The following ZFR variants were observed in gnomAD, a reference collection of about 807,000 sequenced individuals.
ZFR encodes zinc finger RNA-binding protein.
ZFR carries 19 observed loss-of-function variants against 130.7 expected under a neutral mutation model. The ratio of observed to expected loss-of-function variants is 0.15; its 90% CI spans 0.10 to 0.21. ZFR has a LOEUF of 0.21. Among genes scored for constraint, ZFR ranks in the 10% least tolerant of loss-of-function variants. The pLI is 1.00. For missense variants in ZFR, 872 were observed against 1,321.5 expected, an observed-to-expected ratio of 0.66 and a Z score of 5.27; for synonymous variants, 466 against 456.9, an observed-to-expected ratio of 1.02 and a Z score of -0.25.
chr5:32,420,824 T>A (rs938249778), intron 2 of ZFR, among the ~76,000 whole-genome samples: 8 of 152,090 alleles, frequency 5.3e-5, no homozygotes, highest in African/African-American at 1.9e-4. Flanking sequence ...GTGCTGAGGG[T>A]TGAGAAGTTC....
In ZFR at chr5:32,393,618, A is replaced by G. The variant is rs1329095041; in HGVS notation, c.1979+1541T>C. Among the ~76,000 whole-genome samples, 3 of 152,214 alleles carry G rather than the reference A, an allele frequency of 2.0e-5. No homozygotes were observed. The East Asian group carries it at 5.8e-4, about 29-fold the overall frequency. ...CAGCCTCCCAAAGTGTTGGGATTACAGGTATGAGCAACTGTGCCCGGCCAG... is the reference window on the plus strand; with the variant it reads ...CAGCCTCCCAAAGTGTTGGGATTACGGGTATGAGCAACTGTGCCCGGCCAG... On this transcript the variant is annotated intron_variant, in intron 11 of 19. Coordinates refer to ENST00000265069, the MANE Select transcript of ZFR (RefSeq NM_016107.5).
intron 9 of ZFR, among the ~76,000 whole-genome samples, chr5:32,399,274 CAAACAA>C (rs58380702): frequency 0.31 from 46,135 of 147,704 alleles, 7,384 homozygotes; most frequent in Middle Eastern, 0.44. Context: ...GACTCTGTCT[CAAACAA>C]AAACAAAAAC....
chr5:32,382,137 A>C (rs2111714551), intron 15 of ZFR, among the ~76,000 whole-genome samples: 1 of 152,232 alleles, frequency 6.6e-6, no homozygotes, highest in African/African-American at 2.4e-5. Context: ...CTCCATTCCT[A>C]CTCAAAAATA....
chr5:32,421,134 T>G (rs1753947696), intron 2 of ZFR, among the ~76,000 whole-genome samples: 1 of 152,192 alleles, frequency 6.6e-6, no homozygotes, highest in African/African-American at 2.4e-5. Context: ...TGTTAGCATA[T>G]AAAAGTGTAT....
intron 10 of ZFR, 137 bp from the exon 11 acceptor site, chr5:32,395,441 A>G (rs1753281382): frequency 1.7e-6 from 1 of 593,260 alleles, no homozygotes; most frequent in Non-Finnish European, 2.6e-6. Flanking sequence ...TAAAATCAAT[A>G]TAATTAAGGT....
intron 5 of ZFR, among the ~76,000 whole-genome samples, chr5:32,412,790 G>A (rs922066494): frequency 2.0e-5 from 3 of 152,210 alleles, no homozygotes; most frequent in Middle Eastern, 3.2e-3. Context: ...AGAGAAAGGA[G>A]AGATAAAGCA....
At chr5:32,409,607 T>C (rs1461515712) in intron 5 of ZFR, among the ~76,000 whole-genome samples, 2 of 152,138 alleles carry the variant, frequency 1.3e-5, no homozygotes, top group African/African-American at 2.4e-5. Flanking sequence ...GGTTTTACCA[T>C]GGTGGCCAGG....
rs769962038 is a variant in ZFR, at chr5:32,380,064, A to G, written c.2739+11T>C. On this transcript the variant is annotated intron_variant, in intron 16 of 19. Coordinates refer to ENST00000265069, the MANE Select transcript of ZFR (RefSeq NM_016107.5). ...AAGGCTACAAGAAAAAAGTAAAATG[A>G]TGTTCCGAACCTGGAACCACTTAGC... 6.2e-7 allele frequency: 1 copy of G among 1,611,838 alleles called. No homozygotes were observed. Among genetic ancestry groups the G allele is most frequent in the South Asian group, 1.1e-5 (1 of 90,970 alleles).
chr5:32,393,345 AT>A (rs199542795), intron 11 of ZFR, among the ~76,000 whole-genome samples: 351 of 145,894 alleles, frequency 2.4e-3, no homozygotes, highest in Middle Eastern at 7.1e-3. Context: ...TTAGTTTTAA[AT>A]TTTTTTTTTT....
At chr5:32,376,635 G>A (rs1421002984) in intron 17 of ZFR, among the ~76,000 whole-genome samples, 1 of 149,460 alleles carries the variant, frequency 6.7e-6, no homozygotes, top group Admixed American at 6.7e-5. Flanking sequence ...AAAGAAAGCA[G>A]GTGTGAACTA....
At chr5:32,407,226 T>C (rs982526167) in intron 5 of ZFR, among the ~76,000 whole-genome samples, 1 of 151,890 alleles carries the variant, frequency 6.6e-6, no homozygotes, top group African/African-American at 2.4e-5. Flanking sequence ...ATATGCCAGG[T>C]GTTATAGAGG....
chr5:32,395,147 T>TA lies in ZFR; in HGVS notation c.1979+11dup. On this transcript the variant is annotated intron_variant, in intron 11 of 19. Coordinates refer to ENST00000265069, the MANE Select transcript of ZFR (RefSeq NM_016107.5). ...AACCACTTACCAGGCTATTAAAAGT[T>TA]AAAGATATTACCTCATTTCCATTCT... 1 of 1,579,476 alleles carries TA rather than the reference T, an allele frequency of 6.3e-7. No homozygotes were observed. Among genetic ancestry groups the TA allele is most frequent in the East Asian group, 2.3e-5 (1 of 43,496 alleles).
intron 2 of ZFR, among the ~76,000 whole-genome samples, chr5:32,425,533 ACTCT>A (rs1754053879): frequency 1.3e-5 from 2 of 152,088 alleles, no homozygotes; most frequent in South Asian, 4.1e-4. Context: ...TAATACTTTT[ACTCT>A]TTCTTTTTGA....
At chr5:32,390,707 G>A (rs954453885) in intron 11 of ZFR, among the ~76,000 whole-genome samples, 2 of 152,196 alleles carry the variant, frequency 1.3e-5, no homozygotes, top group African/African-American at 4.8e-5. Context: ...CCTGCTTTAA[G>A]TATGAATTAG....
chr5:32,404,333 T>A (rs1378183258), intron 6 of ZFR, among the ~76,000 whole-genome samples: 1 of 152,222 alleles, frequency 6.6e-6, no homozygotes, highest in Non-Finnish European at 1.5e-5. Flanking sequence ...TATATAGCCA[T>A]AATATAAGGC....
intron 2 of ZFR, among the ~76,000 whole-genome samples, chr5:32,430,895 G>A (rs1754196567): frequency 6.6e-6 from 1 of 152,172 alleles, no homozygotes; most frequent in Non-Finnish European, 1.5e-5. Context: ...GGGCATCACA[G>A]TGAAACTCTG....
At chr5:32,429,134 C>T (rs1329842714) in intron 2 of ZFR, among the ~76,000 whole-genome samples, 5 of 151,858 alleles carry the variant, frequency 3.3e-5, no homozygotes, top group Admixed American at 2.6e-4. Context: ...TACAGGAGCC[C>T]GCCACCACGC....
rs550421340 is a variant in ZFR, at chr5:32,415,815, A to G, written c.566-628T>C. ...GCCTCTGACATACTCAAAACAATGT[A>G]TATTTTGAAAGAGTCTTAGAAGCCT... On this transcript the variant is annotated intron_variant, in intron 4 of 19. Coordinates refer to ENST00000265069, the MANE Select transcript of ZFR (RefSeq NM_016107.5). 3.9e-5 allele frequency among the ~76,000 whole-genome samples: 6 copies of G among 152,298 alleles called. No individual in the cohort carries two copies. In the South Asian group the frequency reaches 1.2e-3, roughly 32 times the overall value.
In ZFR at chr5:32,390,283, C is replaced by T; in HGVS notation, c.2134G>A (p.Gly712Arg). Residue 712 changes from glycine to arginine, a missense_variant, in exon 12 of 20, where the codon GGG (glycine) becomes AGG (arginine). Gly to Arg is a moderately radical substitution (Grantham distance 125, BLOSUM62 -2). Around this residue, in one of 7 missense-constraint regions of ZFR, gnomAD observed 225 missense variants for 282.4 expected, o/e 0.80. Coordinates refer to ENST00000265069, the MANE Select transcript of ZFR (RefSeq NM_016107.5). Reference protein sequence around the residue: ...VRPGMPPQPQGPAPLRRPDSS... With the variant: ...VRPGMPPQPQRPAPLRRPDSS... ...CCAACGTGGACACTCACTGCAGGCC[C>T]CTGAGGCTGAGGAGGCATGCCTGGT... 1.2e-6 allele frequency: 2 copies of T among 1,613,410 alleles called. No homozygotes were observed. Among genetic ancestry groups the T allele is most frequent in the Non-Finnish European group, 1.7e-6 (2 of 1,179,394 alleles).
Sources: allele counts gnomAD v4.1 joint callset (sites outside exome capture counted in the v4.1 genomes callset), GRCh38; gene constraint gnomAD v4.1.1; regional missense constraint gnomAD v4.1.1; transcripts MANE v1.5; gene names NCBI Gene and HGNC (gene_info 2026-07-23, HGNC 2026-07-21).